LTBP1: variants seen among roughly 807,000 people sequenced by gnomAD.
LTBP1 encodes latent transforming growth factor beta binding protein 1, also known as latent-transforming growth factor beta-binding protein 1.
Under a neutral mutation model 207.6 loss-of-function variants are expected in LTBP1, and 129 were observed. That is an observed-to-expected ratio of 0.62 (90% confidence interval 0.54 to 0.72). LTBP1 has a LOEUF of 0.72. Ranked by LOEUF, LTBP1 falls within the 30% of genes least tolerant of loss-of-function variation. The pLI, the probability that LTBP1 is intolerant of heterozygous loss-of-function variation, is 0.00. For missense variants in LTBP1, 2,281 were observed against 2,217.2 expected (o/e 1.03, Z -0.58); for synonymous variants, 963 against 833.7 (o/e 1.16, Z -2.67).
At chr2:33,066,477 A>C (rs2077516058) in intron 3 of LTBP1, among the ~76,000 whole-genome samples, 1 of 152,168 alleles carries the variant, frequency 6.6e-6, no homozygotes, top group South Asian at 2.1e-4. Context: ...TTATCAGTGT[A>C]AATCCTTGAT....
Position 33,021,181 on chromosome 2 carries a change from G to T in LTBP1, c.838G>T (p.Gly280Ter), listed in dbSNP as rs1457182914. 1 of 1,604,300 alleles carries T rather than the reference G, an allele frequency of 6.2e-7. No homozygotes were observed. The highest frequency in any genetic ancestry group is 1.3e-5 in the African/African-American group (1 of 74,826). ...AACCCTCAAGCCGAAGCCTTCAGTG[G>T]GACTCCCCCAGCAGATACATTCTCA... is the stretch of plus-strand genomic sequence containing the variant. Reference protein sequence around the residue: ...TLTLKPKPSVGLPQQIHSQVT... With the variant: ...TLTLKPKPSV The change falls in exon 3 of 34, where the codon GGA becomes TGA. Residue 280 changes from glycine (G) to a stop codon, truncating the protein, a stop_gained. Transcript: ENST00000404816. LOFTEE classifies it high-confidence loss of function.
intron 3 of LTBP1, among the ~76,000 whole-genome samples, chr2:33,081,584 G>A (rs915186286): frequency 2.6e-5 from 4 of 152,118 alleles, no homozygotes; most frequent in Non-Finnish European, 5.9e-5. Context: ...GGATTTGTTA[G>A]CACGTTGGTT....
chr2:33,262,703 T>C lies in LTBP1; in HGVS notation c.2419-19T>C, dbSNP rs776738932. 1 of 1,387,402 alleles carries C rather than the reference T, an allele frequency of 7.2e-7. No homozygotes were observed. Among genetic ancestry groups the C allele is most frequent in the South Asian group, 1.3e-5 (1 of 78,934 alleles). The allele number at this position is 1,387,402 out of a possible 1,614,324, so 85.9% of individuals were successfully genotyped here. ...ATTCTTTTTTTTTTCTTATTCTCTT[T>C]TAAAATACAACCATCCAGGAAATAC... On this transcript the variant is annotated intron_variant, in intron 13 of 33. Transcript: ENST00000404816.
intron 11 of LTBP1, among the ~76,000 whole-genome samples, chr2:33,254,128 G>A (rs527487961): frequency 6.5e-4 from 98 of 151,334 alleles, no homozygotes; most frequent in African/African-American, 2.2e-3. Flanking sequence ...GTGGTCTGCC[G>A]GCCTCAGCCT....
chr2:33,188,724 G>C lies in LTBP1; in HGVS notation c.1574G>C (p.Gly525Ala). 6.2e-7 allele frequency: 1 copy of C among 1,614,096 alleles called. No homozygotes were observed. The highest frequency in any genetic ancestry group is 1.1e-5 in the South Asian group (1 of 91,074). Residue 525 changes from glycine to alanine, a missense_variant, in exon 7 of 34, where the codon GGG becomes GCG. Physicochemically the swap from Gly to Ala is moderately conservative, Grantham distance 60 (BLOSUM62 0). Transcript: ENST00000404816. ...QPGQSQVSYQGLPVQKTQTIH... is the reference protein window; with the variant it reads ...QPGQSQVSYQALPVQKTQTIH... ...GGCCAATCCCAAGTCTCGTACCAAGGGCTTCCTGTCCAGAAGACCCAGACC... is the reference window on the plus strand; with the variant it reads ...GGCCAATCCCAAGTCTCGTACCAAGCGCTTCCTGTCCAGAAGACCCAGACC...
At chr2:33,044,919 G>A (rs2076373487) in intron 3 of LTBP1, among the ~76,000 whole-genome samples, 1 of 152,052 alleles carries the variant, frequency 6.6e-6, no homozygotes, top group South Asian at 2.1e-4. Context: ...CTTTAGAGAA[G>A]TGTCTGTTCA....
chr2:33,183,764 A>T (rs2086902321), intron 5 of LTBP1, among the ~76,000 whole-genome samples: 1 of 152,306 alleles, frequency 6.6e-6, no homozygotes, highest in South Asian at 2.1e-4. Flanking sequence ...ATCAAATCAG[A>T]GTTGAACTGA....
intron 9 of LTBP1, among the ~76,000 whole-genome samples, chr2:33,233,625 G>A (rs1209665431): frequency 6.6e-6 from 1 of 151,876 alleles, no homozygotes; most frequent in South Asian, 2.1e-4. Context: ...TCCTTTTTCT[G>A]TCTAGCAATT....
intron 7 of LTBP1, among the ~76,000 whole-genome samples, chr2:33,216,396 A>G (rs1257515218): frequency 6.6e-6 from 1 of 152,186 alleles, no homozygotes; most frequent in African/African-American, 2.4e-5. Context: ...TGATTTGTTC[A>G]GAAAATAAAG....
intron 19 of LTBP1, among the ~76,000 whole-genome samples, chr2:33,290,324 C>T (rs1338746943): frequency 6.6e-6 from 1 of 152,122 alleles, no homozygotes; most frequent in Non-Finnish European, 1.5e-5. Context: ...CAAAGCATAG[C>T]ACTTCTTATG....
chr2:33,132,479 A>G (rs1389580508), intron 4 of LTBP1, among the ~76,000 whole-genome samples: 5 of 152,240 alleles, frequency 3.3e-5, no homozygotes, highest in Non-Finnish European at 7.3e-5. Context: ...TTTCCAGCTA[A>G]GCGGGTCCAC....
intron 3 of LTBP1, among the ~76,000 whole-genome samples, chr2:33,108,731 G>A (rs1159348193): frequency 6.6e-6 from 1 of 152,108 alleles, no homozygotes; most frequent in Non-Finnish European, 1.5e-5. Context: ...ATGGTGACAG[G>A]GTGGCAGCAT....
chr2:33,239,254 T>A (rs779182794), intron 9 of LTBP1, among the ~76,000 whole-genome samples: 1 of 152,200 alleles, frequency 6.6e-6, no homozygotes, highest in South Asian at 2.1e-4. Flanking sequence ...GAGGAGCACA[T>A]GGGTCCGTAT....
At chr2:32,968,543 A>G (rs1165796826) in intron 2 of LTBP1, among the ~76,000 whole-genome samples, 3 of 152,050 alleles carry the variant, frequency 2.0e-5, no homozygotes, top group African/African-American at 7.2e-5. Context: ...TAGACAACAT[A>G]TTGTTGGGTT....
chr2:33,380,272 A>G lies in LTBP1; in HGVS notation c.4712-8912A>G, dbSNP rs948447276. Among the ~76,000 whole-genome samples, 3 of 152,220 alleles carry G rather than the reference A, an allele frequency of 2.0e-5. No individual in the cohort carries two copies. The South Asian group carries it at 6.2e-4, about 32-fold the overall frequency. On this transcript the variant is annotated intron_variant, in intron 31 of 33. Coordinates refer to ENST00000404816, the MANE Select transcript of LTBP1 (RefSeq NM_206943.4). ...TGTCTTTCCAAGAGTTTTGCAGCCC[A>G]TGATAAGAATGTTTTCTGCTCAGGC...
chr2:33,176,525 GACA>G (rs57237930), intron 5 of LTBP1, among the ~76,000 whole-genome samples: 11,953 of 152,134 alleles, frequency 0.079, 998 homozygotes, highest in African/African-American at 0.21. Context: ...ATGCCTGGCT[GACA>G]ACATGTTAAT....
chr2:33,315,313 G>C, intron 24 of LTBP1, 44 bp downstream of exon 24: 3 of 1,606,162 alleles, frequency 1.9e-6, no homozygotes, highest in Non-Finnish European at 2.5e-6. Flanking sequence ...TGATAAAAGA[G>C]AGAGGAGATT....
Position 33,389,173 on chromosome 2 carries a change from C to G in LTBP1, c.4712-11C>G, listed in dbSNP as rs2095293661. On this transcript the variant is annotated splice_polypyrimidine_tract_variant and intron_variant, in intron 31 of 33. Coordinates refer to ENST00000404816, the MANE Select transcript of LTBP1 (RefSeq NM_206943.4). ...AGTGGTGGGGCCTCATGCTGCTTGT[C>G]TACTCCTTAGATGACTATGCTCAGC... 1.9e-6 allele frequency: 3 copies of G among 1,614,064 alleles called. No individual in the cohort carries two copies. Among genetic ancestry groups the G allele is most frequent in the African/African-American group, 2.7e-5 (2 of 75,020 alleles).
In LTBP1 at chr2:32,947,164, C is replaced by G. The variant is rs1042405529; in HGVS notation, c.-161C>G. The G allele has an allele frequency of 9.2e-6, 4 of 435,516 alleles. No individual in the cohort carries two copies. The highest frequency in any genetic ancestry group is 2.4e-4 in the South Asian group (2 of 8,290). 27.0% of individuals were successfully genotyped at this position (435,516 alleles called of 1,614,324 possible). The stretch of plus-strand genomic sequence containing the variant: ...GCCGGGGTCTGGGGCCGCTCAGCTG[C>G]CCGCAGAGCCTCCTCCCTCGCCACC... On this transcript the variant is annotated 5_prime_UTR_variant, in exon 1 of 34. Transcript: ENST00000404816.
Sources: allele counts gnomAD v4.1 joint callset (sites outside exome capture counted in the v4.1 genomes callset), GRCh38; gene constraint gnomAD v4.1.1; transcripts MANE v1.5; gene names NCBI Gene and HGNC (gene_info 2026-07-23, HGNC 2026-07-21).